Variants in HTR2A observed in about 807,000 individuals in gnomAD.
HTR2A encodes 5-HT2 receptor.
Under a neutral mutation model 31.0 loss-of-function variants are expected in HTR2A, and 14 were observed. The ratio of observed to expected loss-of-function variants is 0.45; its 90% CI spans 0.30 to 0.71. HTR2A has a LOEUF of 0.71. Among genes scored for constraint, HTR2A ranks in the 30% least tolerant of loss-of-function variants. HTR2A has a pLI of 0.09. For missense variants in HTR2A, 442 were observed against 573.3 expected (o/e 0.77, Z 2.34); for synonymous variants, 209 against 225.2 (o/e 0.93, Z 0.64).
chr13:46,868,030 T>C (rs181098479), intron 3 of HTR2A, among the ~76,000 whole-genome samples: 1 of 101,840 alleles, frequency 9.8e-6, no homozygotes, highest in African/African-American at 2.8e-5. Flanking sequence ...AAAGAGACAG[T>C]TAAGTAGCTG....
At position 46,895,460 on chromosome 13, in the gene HTR2A, A is replaced by G; in HGVS notation, c.412+35T>C. ...TGGCATGCACATGCTCTTTATTACCAGTGCGAATATAGCTGGGAAACTAAT... is the reference window on the plus strand; with the variant it reads ...TGGCATGCACATGCTCTTTATTACCGGTGCGAATATAGCTGGGAAACTAAT... On this transcript the variant is annotated intron_variant, in intron 2 of 3. Coordinates refer to ENST00000542664, the MANE Select transcript of HTR2A (RefSeq NM_000621.5). The surrounding 1 kb of genome is among the most constrained non-coding windows in gnomAD (Gnocchi z 4.4). 2 of 1,592,894 alleles carry G rather than the reference A, an allele frequency of 1.3e-6. No homozygotes were observed. The highest frequency in any genetic ancestry group is 1.7e-6 in the Non-Finnish European group (2 of 1,167,212).
chr13:46,880,213 G>A (rs1950949409), intron 3 of HTR2A, among the ~76,000 whole-genome samples: 1 of 152,086 alleles, frequency 6.6e-6, no homozygotes, highest in Non-Finnish European at 1.5e-5. Context: ...CAATGAAGGA[G>A]TAGGATACTA....
upstream of HTR2A, among the ~76,000 whole-genome samples, chr13:46,898,003 C>T (rs960035973): frequency 1.1e-4 from 17 of 152,110 alleles, no homozygotes; most frequent in African/African-American, 2.4e-4. Flanking sequence ...TGCTGTTATC[C>T]GCGACTCTTC....
chr13:46,867,495 A>C (rs1950827186), intron 3 of HTR2A, among the ~76,000 whole-genome samples: 1 of 152,212 alleles, frequency 6.6e-6, no homozygotes, highest in Admixed American at 6.5e-5. Context: ...ATGTGTATGT[A>C]ATATATAAAA....
At chr13:46,876,385 CATAT>C (rs1213510951) in intron 3 of HTR2A, among the ~76,000 whole-genome samples, 4,232 of 93,932 alleles carry the variant, frequency 0.045, 193 homozygotes, top group African/African-American at 0.085. Context: ...TATTTTGATT[CATAT>C]ATATATATAT....
rs916320431 is a variant in HTR2A, at chr13:46,834,693, T to C, written c.*144A>G. The C allele has an allele frequency of 8.0e-5, 50 of 623,268 alleles. No homozygotes were observed. The highest frequency in any genetic ancestry group is 9.3e-5 in the Admixed American group (3 of 32,402). 38.6% of individuals were successfully genotyped at this position (623,268 alleles called of 1,614,324 possible). A position where few individuals can be genotyped will look rare whatever the true frequency, so the allele number is the denominator to read the frequency against. On this transcript the variant is annotated 3_prime_UTR_variant, in exon 4 of 4. Coordinates refer to ENST00000542664, the MANE Select transcript of HTR2A (RefSeq NM_000621.5). The stretch of plus-strand genomic sequence containing the variant: ...TTGTAGCATTGAACCCCGCTTTTCA[T>C]TGACAGAATAAAATGAGGCATACAG...
At chr13:46,871,738 C>G (rs1950864333) in intron 3 of HTR2A, among the ~76,000 whole-genome samples, 1 of 152,134 alleles carries the variant, frequency 6.6e-6, no homozygotes, top group African/African-American at 2.4e-5. Flanking sequence ...TGACACCTAA[C>G]TGGCTGAGTA....
At chr13:46,844,278 G>T (rs1285057201) in intron 3 of HTR2A, among the ~76,000 whole-genome samples, 2 of 152,140 alleles carry the variant, frequency 1.3e-5, no homozygotes, top group Non-Finnish European at 2.9e-5. Context: ...TGAGAGAGAG[G>T]AAAATAAAAG....
intron 3 of HTR2A, among the ~76,000 whole-genome samples, chr13:46,882,061 T>TA (rs947115162): frequency 6.6e-6 from 1 of 151,926 alleles, no homozygotes; most frequent in African/African-American, 2.4e-5. Flanking sequence ...AGGTTGCTCA[T>TA]AAAAAAAGAA....
At chr13:46,844,939 T>C (rs1377426606) in intron 3 of HTR2A, among the ~76,000 whole-genome samples, 7 of 152,206 alleles carry the variant, frequency 4.6e-5, no homozygotes, top group Non-Finnish European at 1.5e-5. Flanking sequence ...AGAGTGATTA[T>C]AATTTACTTA....
At chr13:46,874,626 A>T (rs1950892057) in intron 3 of HTR2A, among the ~76,000 whole-genome samples, 1 of 152,268 alleles carries the variant, frequency 6.6e-6, no homozygotes, top group African/African-American at 2.4e-5. Flanking sequence ...GTCTGTTTAA[A>T]CAGATGCAAA....
intron 3 of HTR2A, among the ~76,000 whole-genome samples, chr13:46,888,793 G>A (rs1304017377): frequency 2.0e-5 from 3 of 152,148 alleles, no homozygotes; most frequent in Non-Finnish European, 4.4e-5. Flanking sequence ...TAAAGTTTTT[G>A]CACTATCCGA....
chr13:46,896,046 T>C lies in HTR2A; in HGVS notation c.-140A>G. Reference sequence around the variant, plus strand: ...CTGTTCTCCCGGGGCTGGATTTTTGTCTTCCATTATTACAATGATAGTTAA... The same window carrying C: ...CTGTTCTCCCGGGGCTGGATTTTTGCCTTCCATTATTACAATGATAGTTAA... On this transcript the variant is annotated 5_prime_UTR_variant, in exon 2 of 4. Transcript: ENST00000542664. 1 of 1,411,362 alleles carries C rather than the reference T, an allele frequency of 7.1e-7. No individual in the cohort carries two copies. Among genetic ancestry groups the C allele is most frequent in the South Asian group, 1.8e-5 (1 of 57,002 alleles). 87.4% of individuals were successfully genotyped at this position (1,411,362 alleles called of 1,614,324 possible).
Position 46,862,720 on chromosome 13 carries a change from T to C in HTR2A, c.614-27081A>G, listed in dbSNP as rs540448663. On this transcript the variant is annotated intron_variant, in intron 3 of 3. Coordinates refer to ENST00000542664, the MANE Select transcript of HTR2A (RefSeq NM_000621.5). ...TCTAGAAGTGCCCTCTAGTTGGTAATAGATAGCTTGTAATATGTCTGGTTC... is the reference window on the plus strand; with the variant it reads ...TCTAGAAGTGCCCTCTAGTTGGTAACAGATAGCTTGTAATATGTCTGGTTC... Among the ~76,000 whole-genome samples, 14 of 152,350 alleles carry C rather than the reference T, an allele frequency of 9.2e-5. No homozygotes were observed. In the South Asian group the frequency reaches 2.7e-3, roughly 29 times the overall value.
At position 46,875,238 on chromosome 13, in the gene HTR2A, T is replaced by G. The variant is rs369136110; in HGVS notation, c.613+17152A>C. On this transcript the variant is annotated intron_variant, in intron 3 of 3. Coordinates refer to ENST00000542664, the MANE Select transcript of HTR2A (RefSeq NM_000621.5). ...ATGTAAACCTTTATAGTTGTTCATCTGGGATTTTAAAAACTTTCAAATGTG... is the reference window on the plus strand; with the variant it reads ...ATGTAAACCTTTATAGTTGTTCATCGGGGATTTTAAAAACTTTCAAATGTG... Among the ~76,000 whole-genome samples the G allele has an allele frequency of 3.9e-5, 6 of 152,354 alleles. No individual in the cohort carries two copies. In the South Asian group the frequency reaches 1.2e-3, roughly 32 times the overall value.
chr13:46,836,238 C>G (rs1212292997), intron 3 of HTR2A, among the ~76,000 whole-genome samples: 2 of 151,666 alleles, frequency 1.3e-5, no homozygotes, highest in African/African-American at 4.8e-5. Context: ...ATAAAAATAA[C>G]TATAAAATTT....
chr13:46,835,481 T>C lies in HTR2A; in HGVS notation c.772A>G (p.Ile258Val), dbSNP rs755964470. Reference protein sequence around the residue: ...TIMVITYFLTIKSLQKEATLC... With the variant: ...TIMVITYFLTVKSLQKEATLC... ...GTAGCTTCTTTCTGGAGTGACTTGA[T>C]AGTTAGAAAGTAGGTGATCACCATG... is the stretch of plus-strand genomic sequence containing the variant. The change falls in exon 4 of 4, where the codon ATC becomes GTC. Residue 258 changes from isoleucine to valine, a missense_variant. By Grantham distance (29) the Ile-to-Val change is conservative. Around this residue, in one of 5 missense-constraint regions of HTR2A, gnomAD observed 174 missense variants for 195.1 expected, o/e 0.89. Coordinates refer to ENST00000542664, the MANE Select transcript of HTR2A (RefSeq NM_000621.5). 9 of 1,613,814 alleles carry C rather than the reference T, an allele frequency of 5.6e-6. No homozygotes were observed. Among genetic ancestry groups the C allele is most frequent in the African/African-American group, 1.3e-5 (1 of 74,848 alleles).
chr13:46,850,176 C>G (rs1950672344), intron 3 of HTR2A, among the ~76,000 whole-genome samples: 1 of 152,132 alleles, frequency 6.6e-6, no homozygotes, highest in South Asian at 2.1e-4. Context: ...TCTCTAATAT[C>G]CTAGTTAATA....
At chr13:46,879,267 G>A (rs1438506686) in intron 3 of HTR2A, among the ~76,000 whole-genome samples, 1 of 152,186 alleles carries the variant, frequency 6.6e-6, no homozygotes, top group Non-Finnish European at 1.5e-5. Context: ...ACTTCACTTT[G>A]TATTCTCTAT....
Sources: gnomAD v4.1 joint callset for allele counts (sites outside exome capture counted in the v4.1 genomes callset) on GRCh38, gnomAD v4.1.1 for gene constraint, gnomAD v4.1.1 regional missense constraint, Gnocchi (gnomAD v3.1) non-coding constraint, MANE v1.5 for transcripts, NCBI Gene and HGNC (gene_info 2026-07-23, HGNC 2026-07-21) for gene names.